The following RBBP8NL variants were observed in gnomAD, a reference collection of about 807,000 sequenced individuals.
RBBP8NL encodes the protein RBBP8 N-terminal like.
A neutral mutation model predicts 62.2 loss-of-function variants in RBBP8NL; 59 were observed. The observed-to-expected ratio is 0.95, with a 90% CI of 0.77 to 1.18. RBBP8NL has a LOEUF of 1.18. RBBP8NL is among the 50% of genes most tolerant of loss of function. The pLI is 0.00. For synonymous variants in RBBP8NL, 412 were observed against 394.1 expected (o/e 1.05, Z -0.54); for missense variants, 896 against 899.5 (o/e 1.00, Z 0.05).
rs1472336581 is a variant in RBBP8NL at position 62,415,225 on chromosome 20, C to T, written c.690G>A (p.Gln230=). 1 of 1,542,558 alleles carries T rather than the reference C, an allele frequency of 6.5e-7. No individual in the cohort carries two copies. Among genetic ancestry groups the T allele is most frequent in the Non-Finnish European group, 8.7e-7 (1 of 1,146,220 alleles). ...GTIAVVRPGS[Q]ACPADRGPAN... ...CGGGGCCTCGGTCGGCAGGGCAAGC[C>T]TGGGACCCAGGCCGCACCACGGCAA... is the stretch of plus-strand genomic sequence containing the variant. Residue 230 remains glutamine, a synonymous_variant, in exon 9 of 14, where the codon CAG becomes CAA. Transcript: ENST00000252998.
Position 62,417,306 on chromosome 20 carries a change from T to C in RBBP8NL, c.118A>G (p.Ile40Val). The change falls in exon 4 of 14, where the codon ATC becomes GTC. Residue 40 changes from isoleucine to valine, a missense_variant. Transcript: ENST00000252998. ...NSERCRDAQR[I>V]EELFSKNHQL... is the part of the protein sequence containing the mutation. ...TGGTTCTTGGAGAAGAGCTCCTCGA[T>C]CCTCTGGGCGTCCCTGTGGTGGGAA... is the stretch of plus-strand genomic sequence containing the variant. 6.3e-7 allele frequency: 1 copy of C among 1,598,492 alleles called. No homozygotes were observed. The highest frequency in any genetic ancestry group is 8.5e-7 in the Non-Finnish European group (1 of 1,172,678).
chr20:62,416,289 A>AGG, intron 5 of RBBP8NL, 53 bp from the exon 6 acceptor site: 2 of 117,576 alleles, frequency 1.7e-5, no homozygotes, highest in Non-Finnish European at 3.3e-5. Context: ...GGACAGGGGC[A>AGG]GGGGTGGGGT....
intron 1 of RBBP8NL, among the ~76,000 whole-genome samples, chr20:62,420,324 G>A (rs60430584): frequency 0.025 from 3,702 of 151,044 alleles, 169 homozygotes; most frequent in African/African-American, 0.085. Context: ...CTCCAATGCC[G>A]TGGCAGCTTC....
intron 4 of RBBP8NL, 25 bp from the exon 5 acceptor site, chr20:62,416,897 T>A (rs1244681972): frequency 3.3e-6 from 5 of 1,502,934 alleles, no homozygotes; most frequent in Non-Finnish European, 3.6e-6. Flanking sequence ...ACGCAGGGGG[T>A]GTGAGGGATG....
chr20:62,410,917 G>A lies in RBBP8NL; in HGVS notation c.1956C>T (p.His652=). ...GPGSPRDAED[H]SPSPNSSPWE... ...AGGGGCTGCTGTTGGGGGAGGGACT[G>A]TGGTCCTCGGCGTCCCTTGGGCTCC... The change falls in exon 14 of 14, where the codon CAC becomes CAT. Residue 652 remains histidine, a synonymous_variant. Transcript: ENST00000252998. 6.2e-7 allele frequency: 1 copy of A among 1,613,404 alleles called. No individual in the cohort carries two copies. Among genetic ancestry groups the A allele is most frequent in the South Asian group, 1.1e-5 (1 of 91,090 alleles).
chr20:62,416,288 C>CGGGGGA, intron 5 of RBBP8NL, 52 bp from the exon 6 acceptor site: 1 of 206,538 alleles, frequency 4.8e-6, no homozygotes. Flanking sequence ...GGGACAGGGG[C>CGGGGGA]AGGGGTGGGG....
chr20:62,415,542 A>G (rs773044601), intron 8 of RBBP8NL, 36 bp downstream of exon 8: 24 of 1,606,932 alleles, frequency 1.5e-5, no homozygotes, highest in Non-Finnish European at 2.0e-5. Context: ...GCGCCGGCCC[A>G]GCTGCACATG....
chr20:62,424,351 C>G (rs918846377), intron 1 of RBBP8NL, among the ~76,000 whole-genome samples: 3 of 152,116 alleles, frequency 2.0e-5, no homozygotes, highest in Admixed American at 2.0e-4. Flanking sequence ...ACTCTCACCC[C>G]ACCATGCCTT....
chr20:62,416,112 G>T, intron 6 of RBBP8NL, 52 bp downstream of exon 6: 2 of 1,545,496 alleles, frequency 1.3e-6, no homozygotes, highest in Non-Finnish European at 1.8e-6. Flanking sequence ...GGTGCTGCTC[G>T]GGGGGTGCTG....
chr20:62,417,299 T>G lies in RBBP8NL; in HGVS notation c.125A>C (p.Glu42Ala). 1.2e-6 allele frequency: 2 copies of G among 1,601,388 alleles called. No homozygotes were observed. The highest frequency in any genetic ancestry group is 1.7e-6 in the Non-Finnish European group (2 of 1,174,194). The change falls in exon 4 of 14, where the codon GAG (glutamate) becomes GCG (alanine). Residue 42 changes from glutamate (E) to alanine (A), a missense_variant. Coordinates refer to ENST00000252998, the MANE Select transcript of RBBP8NL (RefSeq NM_080833.3). ...GAGCTGGTGGTTCTTGGAGAAGAGC[T>G]CCTCGATCCTCTGGGCGTCCCTGTG... ...ERCRDAQRIE[E>A]LFSKNHQLRE...
rs1011933559 is a variant in RBBP8NL, at chr20:62,414,340, C to T, written c.1011G>A (p.Leu337=). The T allele has an allele frequency of 1.9e-6, 3 of 1,556,878 alleles. No homozygotes were observed. The highest frequency in any genetic ancestry group is 2.7e-5 in the African/African-American group (2 of 73,684). The change falls in exon 10 of 14, where the codon CTG becomes CTA. Residue 337 remains leucine, a synonymous_variant. Transcript: ENST00000252998. The part of the protein sequence containing the change: ...AEAWEEPTEL[L]GLPSALAGMQ... ...TGCCCGCCAGGGCACTGGGCAGCCCCAGCAGTTCTGTGGGCTCCTCCCAGG... is the reference window on the plus strand; with the variant it reads ...TGCCCGCCAGGGCACTGGGCAGCCCTAGCAGTTCTGTGGGCTCCTCCCAGG...
chr20:62,414,640 C>A, intron 9 of RBBP8NL, 84 bp from the exon 10 acceptor site: 1 of 1,363,460 alleles, frequency 7.3e-7, no homozygotes. Flanking sequence ...AGACGACAGG[C>A]ACCCACTCCA....
intron 8 of RBBP8NL, 111 bp downstream of exon 8, chr20:62,415,467 C>T: frequency 1.4e-6 from 2 of 1,401,156 alleles, no homozygotes; most frequent in Admixed American, 1.7e-5. Flanking sequence ...AGGAGGGGCA[C>T]ATTCAGGGTT....
chr20:62,410,698 G>T lies in RBBP8NL; in HGVS notation c.*180C>A, dbSNP rs1322979574. 1 of 627,066 alleles carries T rather than the reference G, an allele frequency of 1.6e-6. No individual in the cohort carries two copies. The highest frequency in any genetic ancestry group is 1.9e-5 in the South Asian group (1 of 51,360). 38.8% of individuals were successfully genotyped at this position (627,066 alleles called of 1,614,324 possible). A position where few individuals can be genotyped will look rare whatever the true frequency, so the allele number is the denominator to read the frequency against. On this transcript the variant is annotated 3_prime_UTR_variant, in exon 14 of 14. Transcript: ENST00000252998. Reference sequence around the variant, plus strand: ...TGGTTGGGTGGTGTGCCCTCTCCAGGCTGTGGTGAGCAGGCAGAGAGCTGC... The same window carrying T: ...TGGTTGGGTGGTGTGCCCTCTCCAGTCTGTGGTGAGCAGGCAGAGAGCTGC...
At chr20:62,417,419 C>A (rs940692065) in intron 3 of RBBP8NL, 100 bp from the exon 4 acceptor site, 2 of 883,042 alleles carry the variant, frequency 2.3e-6, no homozygotes, top group South Asian at 3.1e-5. Context: ...TCGGCACCTG[C>A]AGCCTTGGTC....
At chr20:62,417,529 C>T (rs1988600313) in intron 3 of RBBP8NL, among the ~76,000 whole-genome samples, 1 of 90,772 alleles carries the variant, frequency 1.1e-5, no homozygotes, top group African/African-American at 3.3e-5. Flanking sequence ...TCTGCACGCT[C>T]CTCTGTGACG....
chr20:62,419,517 C>T lies in RBBP8NL; in HGVS notation c.61+70G>A, dbSNP rs1048391524. The T allele has an allele frequency of 4.6e-6, 7 of 1,516,844 alleles. No individual in the cohort carries two copies. The African/African-American group carries it at 6.9e-5, about 15-fold the overall frequency. The allele number at this position is 1,516,844 out of a possible 1,614,324, so 94.0% of individuals were successfully genotyped here. A position where few individuals can be genotyped will look rare whatever the true frequency, so the allele number is the denominator to read the frequency against. ...GGAGGTGATCATGGGTGCACAGTGG[C>T]CTGCTCCGACCCTTAGGTGAGGGCT... On this transcript the variant is annotated intron_variant, in intron 2 of 13. Transcript: ENST00000252998.
chr20:62,424,094 T>TG (rs1226475645), intron 1 of RBBP8NL, among the ~76,000 whole-genome samples: 1 of 144,326 alleles, frequency 6.9e-6, no homozygotes, highest in African/African-American at 2.6e-5. Context: ...CTGAGGCTCA[T>TG]GGGGGGCTTC....
At chr20:62,418,139 C>G (rs1046086470) in intron 3 of RBBP8NL, among the ~76,000 whole-genome samples, 2 of 152,228 alleles carry the variant, frequency 1.3e-5, no homozygotes, top group Non-Finnish European at 2.9e-5. Context: ...CCCAGCTCAC[C>G]GTGAACGTAT....
Sources: allele counts gnomAD v4.1 joint callset (sites outside exome capture counted in the v4.1 genomes callset), GRCh38; gene constraint gnomAD v4.1.1; transcripts MANE v1.5; gene names NCBI Gene and HGNC (gene_info 2026-07-23, HGNC 2026-07-21).